Variants in BCO1 observed in about 807,000 individuals in gnomAD.
The protein encoded by BCO1 is beta,beta-carotene 15,15'-dioxygenase.
Under a neutral mutation model 56.3 loss-of-function variants are expected in BCO1, and 54 were observed. The ratio of observed to expected loss-of-function variants is 0.96; its 90% CI spans 0.77 to 1.20. The LOEUF is 1.20. Among genes scored for constraint, BCO1 ranks in the 50% most tolerant of loss-of-function variants. BCO1 has a pLI of 0.00. For synonymous variants in BCO1, 318 were observed against 266.1 expected (o/e 1.20, Z -1.90); for missense variants, 801 against 690.9 (o/e 1.16, Z -1.79).
At chr16:81,250,669 C>G (rs2151929833) in intron 2 of BCO1, among the ~76,000 whole-genome samples, 1 of 150,540 alleles carries the variant, frequency 6.6e-6, no homozygotes, top group African/African-American at 2.5e-5. Flanking sequence ...CAGGCTCTGC[C>G]TCCCAGGTTC....
intron 8 of BCO1, among the ~76,000 whole-genome samples, chr16:81,285,160 A>G (rs559152992): frequency 1.3e-5 from 2 of 152,304 alleles, no homozygotes; most frequent in Admixed American, 1.3e-4. Context: ...TTCTCATCAC[A>G]TATGTGCACA....
intron 9 of BCO1, 34 bp downstream of exon 9, chr16:81,285,668 A>G (rs1240483342): frequency 6.9e-7 from 1 of 1,453,544 alleles, no homozygotes; most frequent in Non-Finnish European, 9.7e-7. Context: ...AGCCTTTCCT[A>G]CAGTGATTGT....
At chr16:81,255,744 A>T (rs1171798203) in intron 2 of BCO1, among the ~76,000 whole-genome samples, 1 of 150,986 alleles carries the variant, frequency 6.6e-6, no homozygotes, top group African/African-American at 2.4e-5. Flanking sequence ...TGACCTTGTG[A>T]TCCGCCTGCC....
intron 1 of BCO1, among the ~76,000 whole-genome samples, chr16:81,242,461 C>T (rs142526945): frequency 6.6e-6 from 1 of 152,020 alleles, no homozygotes; most frequent in African/African-American, 2.4e-5. Flanking sequence ...TTGGCCTCCC[C>T]TAGTGCTAGG....
At chr16:81,250,154 G>C (rs1297399492) in intron 2 of BCO1, among the ~76,000 whole-genome samples, 1 of 152,156 alleles carries the variant, frequency 6.6e-6, no homozygotes, top group East Asian at 1.9e-4. Context: ...CACAGTTTTA[G>C]AGATAAGGAA....
At chr16:81,262,394 C>T in intron 4 of BCO1, 111 bp downstream of exon 4, 1 of 1,183,806 alleles carries the variant, frequency 8.4e-7, no homozygotes, top group Non-Finnish European at 1.2e-6. Flanking sequence ...GGAGCCCCTC[C>T]TCTAACACCG....
chr16:81,239,074 T>A (rs1904997268), intron 1 of BCO1, 102 bp downstream of exon 1: 4 of 1,031,458 alleles, frequency 3.9e-6, no homozygotes, highest in Non-Finnish European at 5.7e-6. Context: ...TGGAGTCCAG[T>A]GGCTTGATCT....
At chr16:81,244,900 G>GT (rs1567697533) in intron 1 of BCO1, among the ~76,000 whole-genome samples, 3 of 151,568 alleles carry the variant, frequency 2.0e-5, no homozygotes, top group South Asian at 2.1e-4. Flanking sequence ...TTTTTGGGGG[G>GT]TTTTTTTGAC....
At chr16:81,279,140 G>T (rs1907720397) in intron 7 of BCO1, among the ~76,000 whole-genome samples, 1 of 152,064 alleles carries the variant, frequency 6.6e-6, no homozygotes, top group South Asian at 2.1e-4. Context: ...AACCAAGGAT[G>T]GTGACGCATG....
At chr16:81,265,906 C>T (rs1053853664) in intron 5 of BCO1, among the ~76,000 whole-genome samples, 1 of 151,968 alleles carries the variant, frequency 6.6e-6, no homozygotes, top group Non-Finnish European at 1.5e-5. Flanking sequence ...ACCCACCCAA[C>T]ATCCATCTAC....
chr16:81,262,940 C>T (rs535929253), intron 4 of BCO1: 1 of 156,874 alleles, frequency 6.4e-6, no homozygotes, highest in South Asian at 1.9e-4. Context: ...TCAGCCCGGC[C>T]ATGCTCTCTC....
At chr16:81,266,293 G>A (rs958012034) in intron 5 of BCO1, among the ~76,000 whole-genome samples, 9 of 152,164 alleles carry the variant, frequency 5.9e-5, no homozygotes, top group African/African-American at 1.7e-4. Flanking sequence ...AGGAGGCGGA[G>A]GCTCTTAGCC....
At chr16:81,250,004 A>G (rs943917896) in intron 2 of BCO1, among the ~76,000 whole-genome samples, 2 of 152,162 alleles carry the variant, frequency 1.3e-5, no homozygotes, top group African/African-American at 4.8e-5. Flanking sequence ...TTGTTTTGGT[A>G]GACAGAGGCA....
At chr16:81,244,624 A>G (rs1351428187) in intron 1 of BCO1, among the ~76,000 whole-genome samples, 1 of 151,888 alleles carries the variant, frequency 6.6e-6, no homozygotes, top group Non-Finnish European at 1.5e-5. Flanking sequence ...TGCCTCCTCT[A>G]GGAAGCTGAC....
At chr16:81,285,680 T>C (rs777193188) in intron 9 of BCO1, 46 bp downstream of exon 9, 3 of 1,370,758 alleles carry the variant, frequency 2.2e-6, no homozygotes, top group South Asian at 2.3e-5. Context: ...AGTGATTGTG[T>C]CTATATGCAA....
chr16:81,267,763 G>A (rs1906918138), intron 5 of BCO1, 145 bp from the exon 6 acceptor site: 1 of 724,126 alleles, frequency 1.4e-6, no homozygotes, highest in Non-Finnish European at 2.4e-6. Flanking sequence ...AGCAGCTGCA[G>A]CAACCTTGTT....
Position 81,259,894 on chromosome 16 carries a change from C to T in BCO1, c.323+89C>T, listed in dbSNP as rs1263202359. On this transcript the variant is annotated intron_variant, in intron 3 of 10. Coordinates refer to ENST00000258168, the MANE Select transcript of BCO1 (RefSeq NM_017429.3). ...ACCAGCATTTGCTCCTCTGACAATTCTCTTTAGGGTAGATGAAAACTCCAC... is the reference window on the plus strand; with the variant it reads ...ACCAGCATTTGCTCCTCTGACAATTTTCTTTAGGGTAGATGAAAACTCCAC... 2.7e-5 allele frequency: 42 copies of T among 1,534,946 alleles called. No homozygotes were observed. In the Middle Eastern group the frequency reaches 7.0e-4, roughly 26 times the overall value.
At chr16:81,289,083 G>T (rs778348774) in intron 10 of BCO1, among the ~76,000 whole-genome samples, 1 of 152,190 alleles carries the variant, frequency 6.6e-6, no homozygotes, top group Non-Finnish European at 1.5e-5. Context: ...CTCAGAGAGT[G>T]ACCTTTTTGC....
chr16:81,261,418 A>C (rs1906473683), intron 3 of BCO1, among the ~76,000 whole-genome samples: 1 of 152,208 alleles, frequency 6.6e-6, no homozygotes, highest in South Asian at 2.1e-4. Context: ...TCCTGGATAA[A>C]TTCGAGATAA....
Sources: allele counts gnomAD v4.1 joint callset (sites outside exome capture counted in the v4.1 genomes callset), GRCh38; gene constraint gnomAD v4.1.1; transcripts MANE v1.5; gene names NCBI Gene and HGNC (gene_info 2026-07-23, HGNC 2026-07-21).